The following ADGRL2 variants were observed in gnomAD, a reference collection of about 807,000 sequenced individuals.
The protein encoded by ADGRL2 is calcium-independent alpha-latrotoxin receptor 2.
ADGRL2 carries 44 observed loss-of-function variants against 157.4 expected under a neutral mutation model. The ratio of observed to expected loss-of-function variants is 0.28; its 90% CI spans 0.22 to 0.36. The LOEUF (loss-of-function observed/expected upper bound fraction) is 0.36. Among genes scored for constraint, ADGRL2 ranks in the 10% least tolerant of loss-of-function variants. The pLI is 1.00. For synonymous variants in ADGRL2, 585 were observed against 624.7 expected (o/e 0.94, Z 0.95); for missense variants, 1,510 against 1,768.9 (o/e 0.85, Z 2.63).
chr1:81,705,050 T>TTATA (rs2083688511), intron 1 of ADGRL2, among the ~76,000 whole-genome samples: 1 of 152,040 alleles, frequency 6.6e-6, no homozygotes, highest in Non-Finnish European at 1.5e-5. Flanking sequence ...TCTTTTAATT[T>TTATA]TATTTATTTA....
At chr1:81,336,980 G>C (rs377420735) in intron 1 of ADGRL2, among the ~76,000 whole-genome samples, 5 of 151,710 alleles carry the variant, frequency 3.3e-5, no homozygotes, top group South Asian at 4.2e-4. Context: ...CAGCAGAGAA[G>C]GAAAGAAGAG....
intron 3 of ADGRL2, among the ~76,000 whole-genome samples, chr1:81,672,112 GT>G (rs1254969762): frequency 6.6e-6 from 1 of 152,200 alleles, no homozygotes; most frequent in African/African-American, 2.4e-5. Flanking sequence ...TCCATTATCA[GT>G]GGTGTCACAA....
At chr1:81,428,443 G>A (rs1218818474) in intron 1 of ADGRL2, among the ~76,000 whole-genome samples, 1 of 152,184 alleles carries the variant, frequency 6.6e-6, no homozygotes, top group African/African-American at 2.4e-5. Flanking sequence ...AAGAATTTGA[G>A]CCTATAAGAC....
chr1:81,455,326 G>A (rs541332261), intron 2 of ADGRL2, among the ~76,000 whole-genome samples: 5 of 152,308 alleles, frequency 3.3e-5, no homozygotes, highest in Middle Eastern at 3.4e-3. Context: ...TAAAGAGGAG[G>A]CAGGATGCAC....
chr1:81,408,419 A>C (rs2076892185), intron 1 of ADGRL2, among the ~76,000 whole-genome samples: 1 of 152,164 alleles, frequency 6.6e-6, no homozygotes, highest in African/African-American at 2.4e-5. Context: ...TCCTCACTGT[A>C]CTTGATAAAA....
At chr1:81,309,088 C>T (rs1337580812) in intron 1 of ADGRL2, among the ~76,000 whole-genome samples, 2 of 152,110 alleles carry the variant, frequency 1.3e-5, no homozygotes, top group African/African-American at 4.8e-5. Context: ...TTTTATCTAA[C>T]TTCAGGAGTG....
intron 1 of ADGRL2, among the ~76,000 whole-genome samples, chr1:81,803,107 AG>A (rs1034804161): frequency 2.6e-5 from 4 of 152,054 alleles, no homozygotes; most frequent in African/African-American, 9.7e-5. Context: ...GCTGTGGGGC[AG>A]GGAGCCTCGG....
At chr1:81,848,009 T>A (rs2092857497) in intron 2 of ADGRL2, among the ~76,000 whole-genome samples, 1 of 151,776 alleles carries the variant, frequency 6.6e-6, no homozygotes, top group South Asian at 2.1e-4. Context: ...AATGGCTAAA[T>A]ATGTTTTATC....
chr1:81,385,595 GGC>G (rs1292129187), intron 1 of ADGRL2, among the ~76,000 whole-genome samples: 1 of 128,262 alleles, frequency 7.8e-6, no homozygotes, highest in Non-Finnish European at 1.8e-5. Flanking sequence ...TGGGGAGAGT[GGC>G]AAAAAAAAAA....
intron 3 of ADGRL2, among the ~76,000 whole-genome samples, chr1:81,693,047 T>G (rs1364646014): frequency 1.3e-5 from 2 of 152,166 alleles, no homozygotes; most frequent in Non-Finnish European, 2.9e-5. Context: ...ATGACAGAGG[T>G]AGGCCTAGAG....
At chr1:81,913,483 A>G (rs1292311683) in intron 3 of ADGRL2, among the ~76,000 whole-genome samples, 1 of 152,192 alleles carries the variant, frequency 6.6e-6, no homozygotes, top group African/African-American at 2.4e-5. Context: ...ACCCTCTACC[A>G]TGACACCTCC....
At chr1:81,907,738 G>A (rs184681054) in intron 3 of ADGRL2, among the ~76,000 whole-genome samples, 234 of 152,060 alleles carry the variant, frequency 1.5e-3, no homozygotes, top group African/African-American at 5.5e-3. Context: ...AAGATACTTT[G>A]CCCCACAGCA....
In ADGRL2 at chr1:81,990,587, C is replaced by T. The variant is rs1030905356; in HGVS notation, c.3852C>T (p.Gly1284=). Residue 1284 remains glycine (G), a synonymous_variant, in exon 24 of 24, where the codon GGC becomes GGT. Coordinates refer to ENST00000686636, the MANE Select transcript of ADGRL2 (RefSeq NM_001366006.2). ...AATTAGTGCACAACAACTTACGGGG[C>T]AGCAGCAAGACTCACAACCTCGAGC... ...ISELVHNNLR[G]SSKTHNLELT... is the part of the protein sequence containing the mutation. 6.2e-7 allele frequency: 1 copy of T among 1,613,996 alleles called. No homozygotes were observed. The highest frequency in any genetic ancestry group is 1.3e-5 in the African/African-American group (1 of 74,898).
At chr1:81,613,165 C>T (rs1000065275) in intron 3 of ADGRL2, among the ~76,000 whole-genome samples, 6 of 152,210 alleles carry the variant, frequency 3.9e-5, no homozygotes, top group Non-Finnish European at 5.9e-5. Context: ...CATGAAATTA[C>T]GTTACCTATA....
At chr1:81,773,559 A>G (rs1369271007) in intron 2 of ADGRL2, among the ~76,000 whole-genome samples, 1 of 152,136 alleles carries the variant, frequency 6.6e-6, no homozygotes, top group Non-Finnish European at 1.5e-5. Flanking sequence ...GACCACCAGT[A>G]TTTTGACAAT....
intron 10 of ADGRL2, 32 bp from the exon 11 acceptor site, chr1:81,955,845 C>A: frequency 1.4e-6 from 2 of 1,446,284 alleles, no homozygotes; most frequent in Non-Finnish European, 1.9e-6. Flanking sequence ...TAAAAGCGGT[C>A]AAAACTAATG....
chr1:81,900,756 A>G (rs1002862548), intron 2 of ADGRL2, among the ~76,000 whole-genome samples: 7 of 152,308 alleles, frequency 4.6e-5, no homozygotes, highest in Non-Finnish European at 8.8e-5. Context: ...CTTGTAAACT[A>G]CTTGAACTTT....
chr1:81,403,051 T>C (rs1429933704), intron 1 of ADGRL2, among the ~76,000 whole-genome samples: 7 of 152,142 alleles, frequency 4.6e-5, no homozygotes. Flanking sequence ...CTGTGACAAG[T>C]GTAGAACGGA....
chr1:81,963,424 T>G (rs1421122242), intron 11 of ADGRL2, among the ~76,000 whole-genome samples: 1 of 152,014 alleles, frequency 6.6e-6, no homozygotes, highest in Non-Finnish European at 1.5e-5. Flanking sequence ...TCTAGTACAA[T>G]GCTAAATAAA....
Sources: gnomAD v4.1 joint callset for allele counts (sites outside exome capture counted in the v4.1 genomes callset) on GRCh38, gnomAD v4.1.1 for gene constraint, MANE v1.5 for transcripts, NCBI Gene and HGNC (gene_info 2026-07-23, HGNC 2026-07-21) for gene names.